ERMARD: variants seen among roughly 807,000 people sequenced by gnomAD.
ERMARD encodes endoplasmic reticulum membrane-associated RNA degradation protein.
A neutral mutation model predicts 83.9 loss-of-function variants in ERMARD; 71 were observed. The observed-to-expected ratio is 0.85, with a 90% confidence interval of 0.70 to 1.03. The LOEUF (loss-of-function observed/expected upper bound fraction) is 1.03, where lower values mean the gene tolerates loss of function less well. Ranked by LOEUF, ERMARD falls within the 50% of genes least tolerant of loss-of-function variation. The pLI is 0.00. For missense variants in ERMARD, 838 were observed against 810.9 expected, an observed-to-expected ratio of 1.03 and a Z score of -0.41; for synonymous variants, 284 against 298.6, an observed-to-expected ratio of 0.95 and a Z score of 0.50.
At chr6:169,778,865 G>A (rs1437376730) in intron 16 of ERMARD, among the ~76,000 whole-genome samples, 3 of 152,238 alleles carry the variant, frequency 2.0e-5, no homozygotes, top group Non-Finnish European at 4.4e-5. Context: ...GCTGCTGGGC[G>A]CAGACTGTAC....
chr6:169,768,794 A>T (rs1346728058), intron 11 of ERMARD, among the ~76,000 whole-genome samples: 9 of 152,322 alleles, frequency 5.9e-5, no homozygotes, highest in Admixed American at 3.3e-4. Context: ...AAATGTGAGT[A>T]ATAAGATTGA....
At chr6:169,773,435 GTA>G in intron 13 of ERMARD, 33 bp downstream of exon 13, 1 of 1,601,924 alleles carries the variant, frequency 6.2e-7, no homozygotes. Context: ...GGAGGGGCGT[GTA>G]TGTCTCTGAA....
In ERMARD at chr6:169,759,771, C is replaced by T; in HGVS notation, c.606-67C>T. On this transcript the variant is annotated intron_variant, in intron 6 of 17. Coordinates refer to ENST00000366773, the MANE Select transcript of ERMARD (RefSeq NM_018341.3). The stretch of plus-strand genomic sequence containing the variant: ...TTCTTAATTTTAAATTTGTATTTTT[C>T]ACAGTGAAGCTTTTTATAGGCATGA... 6.4e-6 allele frequency: 9 copies of T among 1,396,180 alleles called. No individual in the cohort carries two copies. The East Asian group carries it at 7.1e-5, about 11-fold the overall frequency. 86.5% of individuals were successfully genotyped at this position (1,396,180 alleles called of 1,614,324 possible). A position where few individuals can be genotyped will look rare whatever the true frequency, so the allele number is the denominator to read the frequency against.
rs979875961 is a variant in ERMARD at position 169,755,366 on chromosome 6, A to G, written c.259A>G (p.Lys87Glu). The change falls in exon 3 of 18, where the codon AAG (lysine) becomes GAG (glutamate). Residue 87 changes from lysine (K) to glutamate (E), a missense_variant. By Grantham distance (56) the Lys-to-Glu change is moderately conservative. Coordinates refer to ENST00000366773, the MANE Select transcript of ERMARD (RefSeq NM_018341.3). ...CCATTCACATTTCTTATCTCTGACC[A>G]AGGGGCAATTTGAAATTCGATATGC... ...AVHSHFLSLT[K>E]GQFEIRYAPW... is the part of the protein sequence containing the mutation. The G allele has an allele frequency of 8.1e-6, 13 of 1,614,074 alleles. No homozygotes were observed. The highest frequency in any genetic ancestry group is 3.3e-4 in the Middle Eastern group (2 of 6,084).
At chr6:169,779,487 T>TG (rs1793962349) in intron 17 of ERMARD, among the ~76,000 whole-genome samples, 192 bp downstream of exon 17, 1 of 144,498 alleles carries the variant, frequency 6.9e-6, no homozygotes, top group Admixed American at 6.7e-5. Context: ...ATGTTTTTTT[T>TG]GTTTTGTTTT....
intron 9 of ERMARD, among the ~76,000 whole-genome samples, chr6:169,764,520 C>T (rs1791960844): frequency 1.3e-5 from 2 of 152,272 alleles, no homozygotes; most frequent in East Asian, 1.9e-4. Flanking sequence ...CATCCTTCTG[C>T]CTCAGCCTTC....
At chr6:169,776,187 T>TA (rs1344601919) in intron 15 of ERMARD, 122 bp downstream of exon 15, 1 of 1,531,446 alleles carries the variant, frequency 6.5e-7, no homozygotes, top group Non-Finnish European at 8.9e-7. Context: ...ATCCCACTGT[T>TA]ACTGCTCCAG....
In ERMARD at chr6:169,755,409, C is replaced by T. The variant is rs779636684; in HGVS notation, c.302C>T (p.Thr101Ile). 1 of 1,614,040 alleles carries T rather than the reference C, an allele frequency of 6.2e-7. No individual in the cohort carries two copies. The highest frequency in any genetic ancestry group is 1.7e-5 in the Admixed American group (1 of 59,990). Residue 101 changes from threonine to isoleucine, a missense_variant, in exon 3 of 18, where the codon ACA (threonine) becomes ATA (isoleucine). Transcript: ENST00000366773. ...EIRYAPWFQW[T>I]SFPELFPEIF... is the part of the protein sequence containing the mutation. ...CGATATGCACCGTGGTTCCAGTGGACAAGTTTTCCAGAGGTTTGGCTTTTG... is the reference window on the plus strand; with the variant it reads ...CGATATGCACCGTGGTTCCAGTGGATAAGTTTTCCAGAGGTTTGGCTTTTG...
At position 169,755,367 on chromosome 6, in the gene ERMARD, AG is replaced by A; in HGVS notation, c.264del (p.Gln89AsnfsTer38). 6.2e-7 allele frequency: 1 copy of A among 1,614,198 alleles called. No individual in the cohort carries two copies. Among genetic ancestry groups the A allele is most frequent in the Non-Finnish European group, 8.5e-7 (1 of 1,180,014 alleles). On this transcript the variant is annotated frameshift_variant, in exon 3 of 18. Transcript: ENST00000366773. LOFTEE classifies it high-confidence loss of function. Reference sequence around the variant, plus strand: ...CATTCACATTTCTTATCTCTGACCAAGGGGCAATTTGAAATTCGATATGCAC... The same window carrying A: ...CATTCACATTTCTTATCTCTGACCAAGGGCAATTTGAAATTCGATATGCAC... ...AVHSHFLSLT[K>X]GQFEIRYAPW...
At chr6:169,765,890 GCTGT>G (rs1792134809) in intron 9 of ERMARD, among the ~76,000 whole-genome samples, 1 of 102,716 alleles carries the variant, frequency 9.7e-6, no homozygotes, top group South Asian at 2.9e-4. Flanking sequence ...ATTTCATCAG[GCTGT>G]CTGTCAAATC....
chr6:169,758,085 A>G (rs1236672163), intron 5 of ERMARD, among the ~76,000 whole-genome samples: 1 of 152,232 alleles, frequency 6.6e-6, no homozygotes, highest in Non-Finnish European at 1.5e-5. Context: ...TAAATGTTCC[A>G]ACATTCAGTA....
chr6:169,776,792 G>T (rs1793662287), intron 16 of ERMARD, 119 bp downstream of exon 16: 2 of 1,166,262 alleles, frequency 1.7e-6, no homozygotes. Flanking sequence ...CCATCGACAG[G>T]TGTTGATATA....
intron 9 of ERMARD, among the ~76,000 whole-genome samples, chr6:169,764,728 G>A (rs771309457): frequency 1.3e-5 from 2 of 152,138 alleles, no homozygotes; most frequent in Non-Finnish European, 2.9e-5. Flanking sequence ...CCTCTTTGGT[G>A]TGTTCCCTGT....
At chr6:169,766,478 C>T (rs1216204987) in intron 9 of ERMARD, among the ~76,000 whole-genome samples, 160 bp from the exon 10 acceptor site, 1 of 152,036 alleles carries the variant, frequency 6.6e-6, no homozygotes, top group East Asian at 1.9e-4. Flanking sequence ...TTTATTTTGT[C>T]AGTGACATTC....
intron 12 of ERMARD, among the ~76,000 whole-genome samples, chr6:169,770,258 A>G (rs1792740301): frequency 6.6e-6 from 1 of 152,222 alleles, no homozygotes; most frequent in Non-Finnish European, 1.5e-5. Flanking sequence ...ATCTCTCAGA[A>G]ATAACTACTG....
At chr6:169,775,739 C>T (rs1027256290) in intron 14 of ERMARD, 9 of 662,846 alleles carry the variant, frequency 1.4e-5, no homozygotes, top group Admixed American at 6.1e-5. Flanking sequence ...ATCGTCTCGT[C>T]GTCACTGGAC....
At chr6:169,751,513 C>T, upstream of ERMARD, 3 of 1,608,130 alleles carry the variant, frequency 1.9e-6, no homozygotes, top group Non-Finnish European at 2.5e-6. Context: ...GGCGGTCAAA[C>T]GCCCTAGCCA....
upstream of ERMARD, chr6:169,751,343 T>C (rs953516031): frequency 6.2e-7 from 1 of 1,613,712 alleles, no homozygotes; most frequent in Admixed American, 1.7e-5. Context: ...ACTCACTGCC[T>C]CCTTCTCGAA....
chr6:169,761,005 G>A (rs1350362546), intron 8 of ERMARD, among the ~76,000 whole-genome samples: 2 of 152,130 alleles, frequency 1.3e-5, no homozygotes, highest in Non-Finnish European at 2.9e-5. Flanking sequence ...ATATTTTCTG[G>A]AAGTCTTAGA....
Sources: allele counts gnomAD v4.1 joint callset (sites outside exome capture counted in the v4.1 genomes callset), GRCh38; gene constraint gnomAD v4.1.1; transcripts MANE v1.5; gene names NCBI Gene and HGNC (gene_info 2026-07-23, HGNC 2026-07-21).